Variants in TERT observed in about 807,000 individuals in gnomAD.
The protein encoded by TERT is telomerase reverse transcriptase, also known as telomerase catalytic subunit.
Under a neutral mutation model 104.0 loss-of-function variants are expected in TERT, and 42 were observed. The ratio of observed to expected loss-of-function variants is 0.40; its 90% CI spans 0.32 to 0.52. TERT has a LOEUF of 0.52. Ranked by LOEUF, TERT falls within the 20% of genes least tolerant of loss-of-function variation. TERT has a pLI of 0.43. For missense variants in TERT, 1,101 were observed against 1,610.3 expected (o/e 0.68, Z 5.41); for synonymous variants, 781 against 725.6 (o/e 1.08, Z -1.23).
intron 2 of TERT, among the ~76,000 whole-genome samples, chr5:1,284,097 C>A (rs1481807387): frequency 7.0e-6 from 1 of 142,374 alleles, no homozygotes; most frequent in African/African-American, 2.7e-5. Flanking sequence ...CACCCCGGAC[C>A]TGCATCATCC....
At position 1,294,107 on chromosome 5, in the gene TERT, C is replaced by T. The variant is rs148798048; in HGVS notation, c.779G>A (p.Gly260Asp). Residue 260 changes from glycine to aspartate, a missense_variant, in exon 2 of 16, where the codon GGC becomes GAC. By Grantham distance (94) the Gly-to-Asp change is moderately conservative (BLOSUM62 -1). This residue lies in a region of TERT where 504 missense variants were observed against 544.6 expected (regional missense o/e 0.93). Coordinates refer to ENST00000310581, the MANE Select transcript of TERT (RefSeq NM_198253.3). ...PVGQGSWAHP[G>D]RTRGPSDRGF... Reference sequence around the variant, plus strand: ...ACGGTCACTCGGTCCACGCGTCCTGCCCGGGTGGGCCCAGGACCCCTGCCC... The same window carrying T: ...ACGGTCACTCGGTCCACGCGTCCTGTCCGGGTGGGCCCAGGACCCCTGCCC... 2.1e-5 allele frequency: 33 copies of T among 1,584,898 alleles called. No individual in the cohort carries two copies. In the African/African-American group the frequency reaches 3.4e-4, roughly 16 times the overall value.
At chr5:1,275,933 C>A (rs1357636061) in intron 6 of TERT, among the ~76,000 whole-genome samples, 1 of 146,306 alleles carries the variant, frequency 6.8e-6, no homozygotes. Flanking sequence ...CTCCACCTAC[C>A]CTACACATGA....
At position 1,293,998 on chromosome 5, in the gene TERT, G is replaced by A. The variant is rs1275072022; in HGVS notation, c.888C>T (p.His296=). 6.3e-7 allele frequency: 1 copy of A among 1,578,072 alleles called. No homozygotes were observed. Residue 296 remains histidine (H), a synonymous_variant, in exon 2 of 16, where the codon CAC becomes CAT. Transcript: ENST00000310581. ...CGTGGTGCTGGCGGCCCACGGATGG[G>A]TGGGAGTGGCGCGTGCCAGAGAGCG... is the stretch of plus-strand genomic sequence containing the variant. ...EGALSGTRHS[H]PSVGRQHHAG...
chr5:1,282,783 G>C (rs1484006089), intron 2 of TERT, 159 bp from the exon 3 acceptor site: 18 of 741,276 alleles, frequency 2.4e-5, no homozygotes, highest in Non-Finnish European at 4.0e-5. Flanking sequence ...GCCCACCAAG[G>C]GCCTGGCGAC....
chr5:1,277,714 T>C (rs1749705505), intron 6 of TERT, among the ~76,000 whole-genome samples: 1 of 151,434 alleles, frequency 6.6e-6, no homozygotes, highest in African/African-American at 2.4e-5. Flanking sequence ...TGGGCACAGG[T>C]GGTGGCCATC....
intron 3 of TERT, 56 bp from the exon 4 acceptor site, chr5:1,280,394 A>C: frequency 1.3e-6 from 2 of 1,575,222 alleles, no homozygotes; most frequent in Non-Finnish European, 8.6e-7. Context: ...ACTAGGGGGA[A>C]GCTCACGGGA....
In TERT at chr5:1,268,402, G is replaced by T; in HGVS notation, c.2582+118C>A. 1 of 812,316 alleles carries T rather than the reference G, an allele frequency of 1.2e-6. No individual in the cohort carries two copies. Among genetic ancestry groups the T allele is most frequent in the African/African-American group, 1.7e-5 (1 of 59,180 alleles). The allele number at this position is 812,316 out of a possible 1,614,324, so 50.3% of individuals were successfully genotyped here. A position where few individuals can be genotyped will look rare whatever the true frequency, so the allele number is the denominator to read the frequency against. ...CATACCAAGAAGGGGCTGCAACCTTGTCTGGTTCCTCAAGACAGAGCAGTC... is the reference window on the plus strand; with the variant it reads ...CATACCAAGAAGGGGCTGCAACCTTTTCTGGTTCCTCAAGACAGAGCAGTC... On this transcript the variant is annotated intron_variant, in intron 9 of 15. Transcript: ENST00000310581. This position sits in a 1 kb window ranked among gnomAD's most constrained non-coding sequence, Gnocchi z 5.5.
chr5:1,291,470 C>T (rs1379567838), intron 2 of TERT, among the ~76,000 whole-genome samples: 3 of 95,686 alleles, frequency 3.1e-5, no homozygotes, highest in Non-Finnish European at 6.2e-5. Context: ...CAGGGACACC[C>T]GGGGACGGCG....
Position 1,293,392 on chromosome 5 carries a change from C to T in TERT, c.1494G>A (p.Gly498=), listed in dbSNP as rs200369031. ...CCTGCAGCGAGAGCTTGGCATGCTT[C>T]CCCAGGGAGATGAACTTCTTGGTGT... ...LRNTKKFISL[G]KHAKLSLQEL... The change falls in exon 2 of 16, where the codon GGG becomes GGA. Residue 498 remains glycine, a synonymous_variant. Coordinates refer to ENST00000310581, the MANE Select transcript of TERT (RefSeq NM_198253.3). The T allele has an allele frequency of 5.6e-6, 9 of 1,613,360 alleles. No individual in the cohort carries two copies. The Admixed American group carries it at 1.2e-4, about 21-fold the overall frequency.
At chr5:1,258,718 T>C in intron 12 of TERT, 59 bp from the exon 13 acceptor site, 2 of 1,424,558 alleles carry the variant, frequency 1.4e-6, no homozygotes, top group Non-Finnish European at 1.9e-6. Flanking sequence ...TTTAAGTTTT[T>C]ACTTTTTGCT....
At chr5:1,290,614 A>C (rs372326509) in intron 2 of TERT, among the ~76,000 whole-genome samples, 470 of 16,496 alleles carry the variant, frequency 0.028, no homozygotes, top group Admixed American at 0.038. Context: ...ACTCACCCTG[A>C]ACGTGACAGG....
At position 1,264,388 on chromosome 5, in the gene TERT, G is replaced by C. The variant is rs375054298; in HGVS notation, c.2843+16C>G. The C allele has an allele frequency of 6.2e-7, 1 of 1,606,060 alleles. No individual in the cohort carries two copies. The highest frequency in any genetic ancestry group is 1.1e-5 in the South Asian group (1 of 90,364). On this transcript the variant is annotated intron_variant, in intron 11 of 15. Transcript: ENST00000310581. ...CCAGCCGGGCACAGGCTCCACTTCC[G>C]GCCAGGTGCGCTCACCTGGAGTAGT...
chr5:1,278,621 C>T lies in TERT; in HGVS notation c.2286+20G>A, dbSNP rs977203970. 6.2e-7 allele frequency: 1 copy of T among 1,613,892 alleles called. No homozygotes were observed. The highest frequency in any genetic ancestry group is 8.5e-7 in the Non-Finnish European group (1 of 1,180,048). On this transcript the variant is annotated intron_variant, in intron 6 of 15. Coordinates refer to ENST00000310581, the MANE Select transcript of TERT (RefSeq NM_198253.3). ...CCAGAGACACACATCCTGGACACGA[C>T]TATCACACGTGAACCTTACGTGGCT...
In TERT at chr5:1,292,325, G is replaced by A. The variant is rs763814129; in HGVS notation, c.1573+988C>T. Reference sequence around the variant, plus strand: ...ACATCAAATCCAGAAAAACAGGGTGGGGACACGGCAGGGCCCAGCAGCACC... The same window carrying A: ...ACATCAAATCCAGAAAAACAGGGTGAGGACACGGCAGGGCCCAGCAGCACC... On this transcript the variant is annotated intron_variant, in intron 2 of 15. Coordinates refer to ENST00000310581, the MANE Select transcript of TERT (RefSeq NM_198253.3). The surrounding 1 kb of genome is among the most constrained non-coding windows in gnomAD (Gnocchi z 5.5). Among the ~76,000 whole-genome samples the A allele has an allele frequency of 9.9e-5, 15 of 151,920 alleles. No homozygotes were observed. The highest frequency in any genetic ancestry group is 2.1e-4 in the South Asian group (1 of 4,804).
chr5:1,256,202 TG>T lies in TERT; in HGVS notation c.3033-792del, dbSNP rs1208364316. Among the ~76,000 whole-genome samples the T allele has an allele frequency of 6.6e-6, 1 of 151,926 alleles. No individual in the cohort carries two copies. The highest frequency in any genetic ancestry group is 1.5e-5 in the Non-Finnish European group (1 of 67,990). On this transcript the variant is annotated intron_variant, in intron 13 of 15. Coordinates refer to ENST00000310581, the MANE Select transcript of TERT (RefSeq NM_198253.3). This position sits in a 1 kb window ranked among gnomAD's most constrained non-coding sequence, Gnocchi z 7.0. ...TTTTTGTTTTTATTTTTCATAGAGA[TG>T]GGGTTCTACTATGTTGCTCAGGCTG...
At position 1,294,816 on chromosome 5, in the gene TERT, C is replaced by T. The variant is rs1054748675; in HGVS notation, c.174G>A (p.Val58=). The T allele has an allele frequency of 1.3e-6, 2 of 1,510,928 alleles. No individual in the cohort carries two copies. The highest frequency in any genetic ancestry group is 1.8e-6 in the Non-Finnish European group (2 of 1,137,520). The allele number at this position is 1,510,928 out of a possible 1,614,324, so 93.6% of individuals were successfully genotyped here. A position where few individuals can be genotyped will look rare whatever the true frequency, so the allele number is the denominator to read the frequency against. ...RALVAQCLVC[V]PWDARPPPAA... is the part of the protein sequence containing the mutation. ...CGGGGGGCGGCCGTGCGTCCCAGGG[C>T]ACGCACACCAGGCACTGGGCCACCA... The change falls in exon 1 of 16, where the codon GTG becomes GTA. Residue 58 remains valine, a synonymous_variant. Transcript: ENST00000310581.
rs753781409 is a variant in TERT, at chr5:1,268,645, A to G, written c.2469-12T>C. 8 of 1,594,598 alleles carry G rather than the reference A, an allele frequency of 5.0e-6. 1 individual carries two copies. In the South Asian group the frequency reaches 7.8e-5, roughly 15 times the overall value. On this transcript the variant is annotated splice_polypyrimidine_tract_variant and intron_variant, in intron 8 of 15. Transcript: ENST00000310581. This position sits in a 1 kb window ranked among gnomAD's most constrained non-coding sequence, Gnocchi z 5.5. ...ACTGGACGTAGGACCTGGGGCGGGA[A>G]GACACAGGTGAGAGACGGGCAGGGC...
At position 1,278,766 on chromosome 5, in the gene TERT, G is replaced by A. The variant is rs1323064721; in HGVS notation, c.2161C>T (p.Pro721Ser). 1 of 1,614,046 alleles carries A rather than the reference G, an allele frequency of 6.2e-7. No individual in the cohort carries two copies. The highest frequency in any genetic ancestry group is 1.1e-5 in the South Asian group (1 of 91,088). ...VDVTGAYDTI[P>S]QDRLTEVIAS... ...ATGACCTCCGTGAGCCTGTCCTGGG[G>A]GATGGTGTCGTACGCGCCCGTCACA... The change falls in exon 6 of 16, where the codon CCC becomes TCC. Residue 721 changes from proline to serine, a missense_variant. Pro to Ser is a moderately conservative substitution (Grantham distance 74). This residue lies in a region of TERT where 463 missense variants were observed against 797.5 expected (regional missense o/e 0.58). Transcript: ENST00000310581.
chr5:1,265,077 CCTGCTCAGGCGCGG>C lies in TERT; in HGVS notation c.2655-499_2655-486del, dbSNP rs1401024408. ...TAGACAAAGGGGAGGGTTCTGAGTT[CCTGCTCAGGCGCGG>C]GACCTGGCTGGGCTGTGAGCTGGGC... On this transcript the variant is annotated intron_variant, in intron 10 of 15. Transcript: ENST00000310581. The surrounding 1 kb of genome is among the most constrained non-coding windows in gnomAD (Gnocchi z 6.9). Among the ~76,000 whole-genome samples the C allele has an allele frequency of 1.3e-5, 2 of 152,228 alleles. No individual in the cohort carries two copies. Among genetic ancestry groups the C allele is most frequent in the Non-Finnish European group, 2.9e-5 (2 of 68,036 alleles).
Sources: gnomAD v4.1 joint callset for allele counts (sites outside exome capture counted in the v4.1 genomes callset) on GRCh38, gnomAD v4.1.1 for gene constraint, gnomAD v4.1.1 regional missense constraint, Gnocchi (gnomAD v3.1) non-coding constraint, MANE v1.5 for transcripts, NCBI Gene and HGNC (gene_info 2026-07-23, HGNC 2026-07-21) for gene names.